Variants in MTG1 observed in about 807,000 individuals in gnomAD.
The protein encoded by MTG1 is mitochondrial ribosome-associated GTPase 1.
In MTG1, 30 loss-of-function variants were observed where a neutral mutation model predicts 39.5. The observed-to-expected ratio is 0.76, with a 90% CI of 0.57 to 1.03. The LOEUF (loss-of-function observed/expected upper bound fraction) is 1.03, where lower values mean the gene tolerates loss of function less well. Ranked by LOEUF, MTG1 falls within the 50% of genes least tolerant of loss-of-function variation. The pLI is 0.00. For missense variants in MTG1, 513 were observed against 447.4 expected (o/e 1.15, Z -1.32); for synonymous variants, 217 against 179.0 (o/e 1.21, Z -1.69).
intron 9 of MTG1, among the ~76,000 whole-genome samples, chr10:133,411,732 A>G (rs1385519305): frequency 6.6e-6 from 1 of 150,826 alleles, no homozygotes; most frequent in Non-Finnish European, 1.5e-5. Flanking sequence ...TCTGCTGTTG[A>G]GAGCCTCTAA....
At chr10:133,409,840 C>G (rs888723469) in intron 9 of MTG1, among the ~76,000 whole-genome samples, 1 of 148,114 alleles carries the variant, frequency 6.8e-6, no homozygotes, top group East Asian at 2.0e-4. Context: ...TGCTCCTGCT[C>G]TTTATACAGT....
intron 9 of MTG1, among the ~76,000 whole-genome samples, chr10:133,407,515 G>A (rs1199121176): frequency 2.0e-5 from 3 of 150,224 alleles, no homozygotes; most frequent in African/African-American, 7.3e-5. Context: ...TTGGTCAGAT[G>A]TATTCCTAGG....
rs1850211797 is a variant in MTG1 at position 133,420,334 on chromosome 10, G to A, written c.*169G>A. ...CCAGCTCCAGGGACCCCAGTTGCAG[G>A]GCCCAAGCAGGTGGGAGTGGACACC... is the stretch of plus-strand genomic sequence containing the variant. On this transcript the variant is annotated 3_prime_UTR_variant, in exon 11 of 11. Transcript: ENST00000317502. 2.6e-6 allele frequency: 2 copies of A among 765,500 alleles called. No homozygotes were observed. The highest frequency in any genetic ancestry group is 3.6e-5 in the African/African-American group (2 of 55,796). 47.4% of individuals were successfully genotyped at this position (765,500 alleles called of 1,614,324 possible). A position where few individuals can be genotyped will look rare whatever the true frequency, so the allele number is the denominator to read the frequency against.
At chr10:133,404,374 G>A (rs1849937765) in intron 9 of MTG1, among the ~76,000 whole-genome samples, 1 of 152,006 alleles carries the variant, frequency 6.6e-6, no homozygotes, top group Non-Finnish European at 1.5e-5. Flanking sequence ...GGATCTGCCC[G>A]CCTCAGCCTC....
intron 9 of MTG1, among the ~76,000 whole-genome samples, chr10:133,404,384 C>T (rs1179205689): frequency 6.6e-6 from 1 of 150,556 alleles, no homozygotes; most frequent in Non-Finnish European, 1.5e-5. Flanking sequence ...GCCTCAGCCT[C>T]CCAAAGCATT....
chr10:133,405,527 G>A (rs768244440), intron 9 of MTG1, among the ~76,000 whole-genome samples: 3 of 152,172 alleles, frequency 2.0e-5, no homozygotes, highest in Non-Finnish European at 4.4e-5. Context: ...GTAATCACCA[G>A]TCTGCTCTCT....
chr10:133,415,502 T>TCCAC (rs1157956819), intron 9 of MTG1, among the ~76,000 whole-genome samples: 1 of 152,226 alleles, frequency 6.6e-6, no homozygotes, highest in African/African-American at 2.4e-5. Context: ...ACTTGCGTGG[T>TCCAC]GTCTGATGAG....
chr10:133,414,567 T>C (rs1000870046), intron 9 of MTG1, among the ~76,000 whole-genome samples: 1 of 144,852 alleles, frequency 6.9e-6, no homozygotes, highest in Non-Finnish European at 1.5e-5. Context: ...TCTCAGACGA[T>C]GGGCGGCGGG....
At chr10:133,398,889 G>A (rs952872558) in intron 4 of MTG1, among the ~76,000 whole-genome samples, 2 of 152,168 alleles carry the variant, frequency 1.3e-5, no homozygotes, top group Non-Finnish European at 2.9e-5. Context: ...ACGGGCATAG[G>A]TGGTCCCCGG....
At chr10:133,417,635 T>C (rs1057494576) in intron 9 of MTG1, among the ~76,000 whole-genome samples, 12 of 151,890 alleles carry the variant, frequency 7.9e-5, no homozygotes, top group African/African-American at 2.7e-4. Context: ...AACCCCATTG[T>C]CTCAGCCCAA....
chr10:133,402,016 C>A lies in MTG1; in HGVS notation c.574-133C>A. 1 of 930,696 alleles carries A rather than the reference C, an allele frequency of 1.1e-6. No individual in the cohort carries two copies. The highest frequency in any genetic ancestry group is 1.7e-6 in the Non-Finnish European group (1 of 596,520). 57.7% of individuals were successfully genotyped at this position (930,696 alleles called of 1,614,324 possible). A position where few individuals can be genotyped will look rare whatever the true frequency, so the allele number is the denominator to read the frequency against. On this transcript the variant is annotated intron_variant, in intron 7 of 10. Transcript: ENST00000317502. This position sits in a 1 kb window ranked among gnomAD's most constrained non-coding sequence, Gnocchi z 4.7. ...GAACCCTGGAGCTTGGTGAGAGTGACGCTGCCATGGGGTTGGGTCCCTGAG... is the reference window on the plus strand; with the variant it reads ...GAACCCTGGAGCTTGGTGAGAGTGAAGCTGCCATGGGGTTGGGTCCCTGAG...
In MTG1 at chr10:133,402,530, C is replaced by A. The variant is rs1394103598; in HGVS notation, c.671-162C>A. ...TGCCAGGCAGGAGTGGGGGCCGGGA[C>A]CACAGCCGAGTGCCGTCCTCTTGGT... On this transcript the variant is annotated intron_variant, in intron 8 of 10. Coordinates refer to ENST00000317502, the MANE Select transcript of MTG1 (RefSeq NM_138384.4). The surrounding 1 kb of genome is among the most constrained non-coding windows in gnomAD (Gnocchi z 4.7). The A allele has an allele frequency of 2.7e-6, 2 of 738,546 alleles. No homozygotes were observed. The highest frequency in any genetic ancestry group is 2.7e-5 in the East Asian group (1 of 37,068). The allele number at this position is 738,546 out of a possible 1,614,324, so 45.7% of individuals were successfully genotyped here.
chr10:133,395,697 T>A lies in MTG1; in HGVS notation c.113-16T>A. On this transcript the variant is annotated splice_polypyrimidine_tract_variant and intron_variant, in intron 1 of 10. Coordinates refer to ENST00000317502, the MANE Select transcript of MTG1 (RefSeq NM_138384.4). ...GGTTGTGAGCCCCTTCGCTGAGGCG[T>A]CCTTCTGTTTTCCAGGGCTGAAGAA... The A allele has an allele frequency of 1.2e-6, 2 of 1,613,712 alleles. No individual in the cohort carries two copies. Among genetic ancestry groups the A allele is most frequent in the Non-Finnish European group, 1.7e-6 (2 of 1,179,776 alleles).
At position 133,408,606 on chromosome 10, in the gene MTG1, A is replaced by G. The variant is rs1214128445; in HGVS notation, c.752+5833A>G. On this transcript the variant is annotated intron_variant, in intron 9 of 10. Coordinates refer to ENST00000317502, the MANE Select transcript of MTG1 (RefSeq NM_138384.4). ...GTGTTCCCCCCTTCAGTTTTTTTGA[A>G]TAGTTTGAGTACAGTTGATACTAGT... Among the ~76,000 whole-genome samples, 3 of 152,158 alleles carry G rather than the reference A, an allele frequency of 2.0e-5. No homozygotes were observed. In the East Asian group the frequency reaches 5.8e-4, roughly 29 times the overall value.
At chr10:133,418,161 A>G (rs1184775143) in intron 9 of MTG1, among the ~76,000 whole-genome samples, 1 of 152,140 alleles carries the variant, frequency 6.6e-6, no homozygotes, top group Non-Finnish European at 1.5e-5. Context: ...GTGCCACCAC[A>G]CCTGGCTAAT....
At chr10:133,413,646 G>T (rs1163806362) in intron 9 of MTG1, among the ~76,000 whole-genome samples, 1 of 152,034 alleles carries the variant, frequency 6.6e-6, no homozygotes, top group African/African-American at 2.4e-5. Context: ...TTAGCTTATT[G>T]TCTACAACTT....
At chr10:133,398,674 G>C (rs1286438323) in intron 4 of MTG1, among the ~76,000 whole-genome samples, 159 bp downstream of exon 4, 4 of 152,208 alleles carry the variant, frequency 2.6e-5, no homozygotes, top group Admixed American at 6.5e-5. Flanking sequence ...TGGGGCAAGT[G>C]GGTCTCCCTG....
intron 9 of MTG1, among the ~76,000 whole-genome samples, chr10:133,406,585 C>G (rs1004920329): frequency 4.0e-5 from 6 of 151,558 alleles, no homozygotes; most frequent in African/African-American, 1.5e-4. Flanking sequence ...CAAAAAAAAT[C>G]TGGCCCAGAC....
chr10:133,394,712 G>T, intron 1 of MTG1: 1 of 1,051,432 alleles, frequency 9.5e-7, no homozygotes. Flanking sequence ...GTCTTTTGGG[G>T]ACTAAATGAA....
Sources: allele counts gnomAD v4.1 joint callset (sites outside exome capture counted in the v4.1 genomes callset), GRCh38; gene constraint gnomAD v4.1.1; non-coding constraint Gnocchi (gnomAD v3.1); transcripts MANE v1.5; gene names NCBI Gene and HGNC (gene_info 2026-07-23, HGNC 2026-07-21).